The following CDH18 variants were observed in gnomAD, a reference collection of about 807,000 sequenced individuals.
CDH18 encodes the protein cadherin-18.
A neutral mutation model predicts 67.9 loss-of-function variants in CDH18; 31 were observed. That is an observed-to-expected ratio of 0.46 (90% CI 0.34 to 0.62). The LOEUF (loss-of-function observed/expected upper bound fraction) is 0.62. Among genes scored for constraint, CDH18 ranks in the 20% least tolerant of loss-of-function variants. The pLI, the probability that CDH18 is intolerant of heterozygous loss-of-function variation, is 0.01. For missense variants in CDH18, 890 were observed against 975.5 expected (o/e 0.91, Z 1.17); for synonymous variants, 362 against 347.2 (o/e 1.04, Z -0.48).
chr5:19,671,225 T>C (rs1397574634), intron 5 of CDH18, among the ~76,000 whole-genome samples: 1 of 152,160 alleles, frequency 6.6e-6, no homozygotes, highest in African/African-American at 2.4e-5. Context: ...TGAGAATTTA[T>C]GTGCTCTCAG....
At chr5:19,764,758 T>C (rs1252630320) in intron 3 of CDH18, among the ~76,000 whole-genome samples, 1 of 152,066 alleles carries the variant, frequency 6.6e-6, no homozygotes, top group Non-Finnish European at 1.5e-5. Context: ...GCCAGTTATG[T>C]GAAAAAGTCA....
At chr5:20,296,517 T>A (rs1372978373) in intron 1 of CDH18, among the ~76,000 whole-genome samples, 1 of 152,130 alleles carries the variant, frequency 6.6e-6, no homozygotes, top group African/African-American at 2.4e-5. Flanking sequence ...CGCTTCAGCC[T>A]CCCAAAGTGC....
intron 2 of CDH18, among the ~76,000 whole-genome samples, chr5:20,235,209 A>G (rs941407412): frequency 2.8e-4 from 43 of 152,170 alleles, no homozygotes; most frequent in African/African-American, 9.6e-4. Context: ...CCTTCTCAAT[A>G]TTGGCCTTGG....
intron 1 of CDH18, among the ~76,000 whole-genome samples, chr5:20,526,120 G>A (rs1034533519): frequency 3.3e-5 from 5 of 152,210 alleles, no homozygotes; most frequent in East Asian, 1.9e-4. Context: ...TGGTATTCCC[G>A]ACAGGGCAGC....
intron 2 of CDH18, among the ~76,000 whole-genome samples, chr5:19,863,735 A>G (rs1032799361): frequency 6.6e-6 from 1 of 152,198 alleles, no homozygotes; most frequent in Non-Finnish European, 1.5e-5. Flanking sequence ...ATAAAGCCTA[A>G]TAATCAGGTC....
chr5:20,284,686 T>G (rs1481996631), intron 1 of CDH18, among the ~76,000 whole-genome samples: 1 of 151,984 alleles, frequency 6.6e-6, no homozygotes, highest in African/African-American at 2.4e-5. Flanking sequence ...CTAACCAATT[T>G]CTCTGAGATC....
intron 7 of CDH18, among the ~76,000 whole-genome samples, chr5:19,578,110 T>G (rs1304618270): frequency 6.6e-6 from 1 of 152,232 alleles, no homozygotes; most frequent in Non-Finnish European, 1.5e-5. Context: ...TCCAGACTTC[T>G]GGCCTCCAGG....
chr5:19,885,955 A>G (rs1238206138), intron 2 of CDH18, among the ~76,000 whole-genome samples: 1 of 152,212 alleles, frequency 6.6e-6, no homozygotes, highest in Non-Finnish European at 1.5e-5. Flanking sequence ...AATAAATTTG[A>G]GAGTGTGTGA....
chr5:19,963,758 A>G (rs1205039354), intron 2 of CDH18, among the ~76,000 whole-genome samples: 1 of 152,022 alleles, frequency 6.6e-6, no homozygotes, highest in Non-Finnish European at 1.5e-5. Context: ...TGGACAAATA[A>G]AGTAATTTAC....
rs568734963 is a variant in CDH18, at chr5:20,514,921, A to G, written c.-580+60541T>C. ...GGATACTGTTTTTCTGAACTCACTT[A>G]TATATCATGGCTATTTCCTACTCCT... On this transcript the variant is annotated intron_variant, in intron 1 of 14. Transcript: ENST00000507958. Among the ~76,000 whole-genome samples, 3 of 152,192 alleles carry G rather than the reference A, an allele frequency of 2.0e-5. No individual in the cohort carries two copies. In the South Asian group the frequency reaches 6.2e-4, roughly 32 times the overall value.
chr5:19,720,022 C>T (rs754496317), intron 5 of CDH18, among the ~76,000 whole-genome samples: 14 of 151,968 alleles, frequency 9.2e-5, no homozygotes, highest in Non-Finnish European at 1.8e-4. Context: ...TGTTGGAGCA[C>T]TCCAGGAAAA....
chr5:19,490,117 A>C (rs911536993), intron 11 of CDH18, among the ~76,000 whole-genome samples: 2 of 151,938 alleles, frequency 1.3e-5, no homozygotes, highest in Non-Finnish European at 2.9e-5. Flanking sequence ...CTATGTTTGG[A>C]GTCACTAGAT....
At chr5:19,785,685 T>A (rs1352824449) in intron 3 of CDH18, among the ~76,000 whole-genome samples, 1,782 of 19,582 alleles carry the variant, frequency 0.091, 42 homozygotes, top group Non-Finnish European at 0.1. Context: ...AAAAAATATA[T>A]ATATATATAT....
intron 1 of CDH18, among the ~76,000 whole-genome samples, chr5:20,350,925 G>A (rs1307895598): frequency 6.6e-6 from 1 of 151,518 alleles, no homozygotes; most frequent in South Asian, 2.1e-4. Context: ...GTAGAAAATA[G>A]GCTAATTCAA....
chr5:19,776,406 G>A (rs916532006), intron 3 of CDH18, among the ~76,000 whole-genome samples: 1 of 152,084 alleles, frequency 6.6e-6, no homozygotes, highest in Non-Finnish European at 1.5e-5. Flanking sequence ...CATTGATAAC[G>A]GTCTGTTTAA....
At chr5:19,630,842 G>A (rs1278095784) in intron 5 of CDH18, among the ~76,000 whole-genome samples, 2 of 152,056 alleles carry the variant, frequency 1.3e-5, no homozygotes, top group Non-Finnish European at 1.5e-5. Context: ...GGAAGAACCC[G>A]ACAGGATTAT....
At chr5:19,745,853 A>G (rs929364304) in intron 4 of CDH18, among the ~76,000 whole-genome samples, 2 of 152,042 alleles carry the variant, frequency 1.3e-5, no homozygotes, top group Admixed American at 1.3e-4. Flanking sequence ...GAAGACTAAC[A>G]TGGGCTGGAA....
chr5:19,961,241 T>C (rs1359655462), intron 2 of CDH18, among the ~76,000 whole-genome samples: 3 of 151,798 alleles, frequency 2.0e-5, no homozygotes, highest in Non-Finnish European at 4.4e-5. Context: ...TAGCTGGGAT[T>C]ACAGGCGCAC....
intron 1 of CDH18, among the ~76,000 whole-genome samples, chr5:20,330,184 T>C (rs1739032499): frequency 1.3e-5 from 2 of 152,320 alleles, no homozygotes; most frequent in South Asian, 2.1e-4. Context: ...TAGACTTTTT[T>C]CCAATGGAAA....
Sources: allele counts gnomAD v4.1 joint callset (sites outside exome capture counted in the v4.1 genomes callset), GRCh38; gene constraint gnomAD v4.1.1; transcripts MANE v1.5; gene names NCBI Gene and HGNC (gene_info 2026-07-23, HGNC 2026-07-21).